PRKN: variants seen among roughly 807,000 people sequenced by gnomAD.
The protein encoded by PRKN is parkin RBR E3 ubiquitin protein ligase.
PRKN carries 56 observed loss-of-function variants against 59.5 expected under a neutral mutation model. The observed-to-expected ratio is 0.94, with a 90% CI of 0.76 to 1.18. PRKN has a LOEUF of 1.18. PRKN is among the 50% of genes most tolerant of loss of function. PRKN has a pLI of 0.00. For missense variants in PRKN, 657 were observed against 596.4 expected, an observed-to-expected ratio of 1.10 and a Z score of -1.06; for synonymous variants, 250 against 222.1, an observed-to-expected ratio of 1.13 and a Z score of -1.12.
At chr6:162,636,950 T>A (rs1451955030) in intron 1 of PRKN, among the ~76,000 whole-genome samples, 1 of 148,858 alleles carries the variant, frequency 6.7e-6, no homozygotes, top group African/African-American at 2.5e-5. Flanking sequence ...CGGAGCGAGA[T>A]TCTGTCCCAA....
At chr6:162,582,054 A>G (rs1220629745) in intron 1 of PRKN, among the ~76,000 whole-genome samples, 1 of 152,208 alleles carries the variant, frequency 6.6e-6, no homozygotes, top group Non-Finnish European at 1.5e-5. Context: ...AGTGCTAACC[A>G]CTATAGTCAA....
At chr6:162,015,068 A>T (rs913743187) in intron 5 of PRKN, among the ~76,000 whole-genome samples, 1 of 152,196 alleles carries the variant, frequency 6.6e-6, no homozygotes, top group Non-Finnish European at 1.5e-5. Flanking sequence ...TTGCAGCATG[A>T]TTTTAAGAAC....
In PRKN at chr6:161,423,485, T is replaced by C. The variant is rs574764813; in HGVS notation, c.1084-36608A>G. Among the ~76,000 whole-genome samples the C allele has an allele frequency of 5.9e-5, 9 of 152,320 alleles. No individual in the cohort carries two copies. Among genetic ancestry groups the C allele is most frequent in the African/African-American group, 1.2e-4 (5 of 41,578 alleles). The stretch of plus-strand genomic sequence containing the variant: ...AAGAACACACATTTGAACAGGGGCA[T>C]AGGCAGTGTTTGTCAAGCTCTGGAA... On this transcript the variant is annotated intron_variant, in intron 9 of 11. Transcript: ENST00000366898. This position sits in a 1 kb window ranked among gnomAD's most constrained non-coding sequence, Gnocchi z 5.9.
intron 1 of PRKN, among the ~76,000 whole-genome samples, chr6:162,520,754 C>G (rs987441159): frequency 1.3e-5 from 2 of 151,466 alleles, no homozygotes; most frequent in African/African-American, 2.4e-5. Flanking sequence ...TTGGTTTTGT[C>G]ATTCAAATTT....
At chr6:162,392,328 GT>G (rs1369001159) in intron 2 of PRKN, among the ~76,000 whole-genome samples, 1 of 152,128 alleles carries the variant, frequency 6.6e-6, no homozygotes, top group Non-Finnish European at 1.5e-5. Context: ...GAGGCCAGAA[GT>G]TTTTGGTTCT....
chr6:162,130,958 T>A (rs1583075369), intron 4 of PRKN, among the ~76,000 whole-genome samples: 1 of 152,242 alleles, frequency 6.6e-6, no homozygotes, highest in African/African-American at 2.4e-5. Context: ...ATCATTTAGA[T>A]AATCTTAACA....
intron 6 of PRKN, among the ~76,000 whole-genome samples, chr6:161,834,220 A>G (rs1181522124): frequency 6.6e-6 from 1 of 152,032 alleles, no homozygotes; most frequent in East Asian, 1.9e-4. Context: ...GTATAAATGC[A>G]AAGTAGTAAT....
chr6:161,805,570 T>A (rs1348355999), intron 6 of PRKN, among the ~76,000 whole-genome samples: 1 of 152,138 alleles, frequency 6.6e-6, no homozygotes, highest in East Asian at 1.9e-4. Context: ...TTCCTGTTGC[T>A]CTAGTGAGTC....
intron 6 of PRKN, among the ~76,000 whole-genome samples, chr6:161,842,834 C>A (rs371231570): frequency 2.6e-5 from 4 of 152,304 alleles, no homozygotes; most frequent in African/African-American, 9.6e-5. Flanking sequence ...AGGCGTGAGC[C>A]ACTGCACCCC....
At chr6:162,497,312 TAACTA>T (rs1246076662) in intron 1 of PRKN, among the ~76,000 whole-genome samples, 1 of 152,186 alleles carries the variant, frequency 6.6e-6, no homozygotes, top group East Asian at 1.9e-4. Flanking sequence ...TTATTTTAAG[TAACTA>T]AACTTAACAA....
At chr6:162,031,502 T>C (rs1252203050) in intron 5 of PRKN, among the ~76,000 whole-genome samples, 1 of 151,822 alleles carries the variant, frequency 6.6e-6, no homozygotes, top group Admixed American at 6.6e-5. Flanking sequence ...TTCAAAAGGC[T>C]GCCAAAAGAG....
chr6:161,430,951 C>T lies in PRKN; in HGVS notation c.1084-44074G>A, dbSNP rs181729429. ...AGAAGTTCGAGACCAGCCTGGCCAACGTGGTGAAACCCTGTCTCTACTAAA... is the reference window on the plus strand; with the variant it reads ...AGAAGTTCGAGACCAGCCTGGCCAATGTGGTGAAACCCTGTCTCTACTAAA... On this transcript the variant is annotated intron_variant, in intron 9 of 11. Coordinates refer to ENST00000366898, the MANE Select transcript of PRKN (RefSeq NM_004562.3). Among the ~76,000 whole-genome samples the T allele has an allele frequency of 1.5e-3, 221 of 151,446 alleles. 1 individual carries two copies. Among genetic ancestry groups the T allele is most frequent in the African/African-American group, 5.0e-3 (208 of 41,234 alleles).
rs73783771 is a variant in PRKN at position 162,653,330 on chromosome 6, G to C, written c.7+74332C>G. On this transcript the variant is annotated intron_variant, in intron 1 of 11. Coordinates refer to ENST00000366898, the MANE Select transcript of PRKN (RefSeq NM_004562.3). ...TGGGAGTTTGTGTTTGTGTGTGTGT[G>C]TGTTTGTGTGCGTGTCTGTGTGTGT... Among the ~76,000 whole-genome samples the C allele has an allele frequency of 1.1e-4, 13 of 121,468 alleles. No homozygotes were observed. In the East Asian group the frequency reaches 2.8e-3, roughly 26 times the overall value. The allele number at this position is 121,468 out of a possible 152,430, so 79.7% of individuals were successfully genotyped here.
intron 7 of PRKN, among the ~76,000 whole-genome samples, chr6:161,769,914 T>G (rs1789593251): frequency 6.6e-6 from 1 of 152,170 alleles, no homozygotes. Flanking sequence ...TTACTGTAAC[T>G]GTTGGCAGTT....
chr6:161,936,988 G>A (rs1187467061), intron 6 of PRKN, among the ~76,000 whole-genome samples: 2 of 152,082 alleles, frequency 1.3e-5, no homozygotes, highest in African/African-American at 2.4e-5. Flanking sequence ...GTTTCACCAT[G>A]CTGGCCAGGT....
intron 6 of PRKN, among the ~76,000 whole-genome samples, chr6:161,954,224 G>A (rs997355994): frequency 6.6e-6 from 1 of 152,160 alleles, no homozygotes; most frequent in Non-Finnish European, 1.5e-5. Flanking sequence ...AGAGGCATAT[G>A]GCTTCTGTGA....
chr6:161,363,409 A>G lies in PRKN; in HGVS notation c.1168-3204T>C, dbSNP rs1039340025. Among the ~76,000 whole-genome samples, 16 of 152,252 alleles carry G rather than the reference A, an allele frequency of 1.1e-4. No individual in the cohort carries two copies. Among genetic ancestry groups the G allele is most frequent in the African/African-American group, 3.9e-4 (16 of 41,470 alleles). ...TCTGGACATGAAACACTAATAATTA[A>G]AATTAGAAACTCAGTTGATGAGTTA... On this transcript the variant is annotated intron_variant, in intron 10 of 11. Coordinates refer to ENST00000366898, the MANE Select transcript of PRKN (RefSeq NM_004562.3). The surrounding 1 kb of genome is among the most constrained non-coding windows in gnomAD (Gnocchi z 4.1).
intron 1 of PRKN, among the ~76,000 whole-genome samples, chr6:162,597,246 TG>T (rs113961501): frequency 0.022 from 3,372 of 152,276 alleles, 122 homozygotes; most frequent in African/African-American, 0.074. Context: ...TTAGAATATG[TG>T]GAAAAAAATA....
At chr6:161,716,020 G>A in intron 7 of PRKN, 1 of 958,322 alleles carries the variant, frequency 1.0e-6, no homozygotes, top group South Asian at 1.3e-5. Flanking sequence ...GCTCTTCTGG[G>A]GAATTGGATC....
Sources: gnomAD v4.1 joint callset for allele counts (sites outside exome capture counted in the v4.1 genomes callset) on GRCh38, gnomAD v4.1.1 for gene constraint, Gnocchi (gnomAD v3.1) non-coding constraint, MANE v1.5 for transcripts, NCBI Gene and HGNC (gene_info 2026-07-23, HGNC 2026-07-21) for gene names.